The following PLAAT1 variants were observed in gnomAD, a reference collection of about 807,000 sequenced individuals.
PLAAT1 encodes the protein H-REV107 protein-related protein.
PLAAT1 carries 13 observed loss-of-function variants against 16.4 expected under a neutral mutation model. The ratio of observed to expected loss-of-function variants is 0.79; its 90% CI spans 0.52 to 1.26. PLAAT1 has a LOEUF of 1.26. Among genes scored for constraint, PLAAT1 ranks in the 50% most tolerant of loss-of-function variants. The pLI is 0.00. For synonymous variants in PLAAT1, 73 were observed against 78.4 expected (o/e 0.93, Z 0.36); for missense variants, 218 against 207.8 (o/e 1.05, Z -0.30).
chr3:193,271,671 C>T (rs1455060996), downstream of PLAAT1, among the ~76,000 whole-genome samples: 1 of 152,118 alleles, frequency 6.6e-6, no homozygotes, highest in Non-Finnish European at 1.5e-5. Context: ...CACCACCAGC[C>T]AATGACATCC....
chr3:193,277,470 AC>A (rs1717274174), intron 2 of PLAAT1, among the ~76,000 whole-genome samples: 1 of 152,096 alleles, frequency 6.6e-6, no homozygotes, highest in Admixed American at 6.6e-5. Context: ...TTTTTCTGAG[AC>A]CCCACCCAAG....
chr3:193,270,716 A>G lies in PLAAT1; in HGVS notation c.*11A>G, dbSNP rs779376878. The G allele has an allele frequency of 6.8e-6, 11 of 1,609,854 alleles. No individual in the cohort carries two copies. The highest frequency in any genetic ancestry group is 9.3e-6 in the Non-Finnish European group (11 of 1,177,910). Reference sequence around the variant, plus strand: ...GCAAAATACTATTAACAATTTACCAAAGAGATATTGATATTGAAGGAATTT... The same window carrying G: ...GCAAAATACTATTAACAATTTACCAGAGAGATATTGATATTGAAGGAATTT... On this transcript the variant is annotated 3_prime_UTR_variant, in exon 4 of 4. Coordinates refer to ENST00000264735, the MANE Select transcript of PLAAT1 (RefSeq NM_020386.5).
At chr3:193,255,495 A>G (rs943101560) in intron 1 of PLAAT1, among the ~76,000 whole-genome samples, 156 bp from the exon 2 acceptor site, 1 of 148,958 alleles carries the variant, frequency 6.7e-6, no homozygotes, top group Non-Finnish European at 1.5e-5. Context: ...CAGTGTTGGA[A>G]TCATTCAAAG....
chr3:193,247,278 T>A (rs1716015547), intron 1 of PLAAT1, among the ~76,000 whole-genome samples: 1 of 152,136 alleles, frequency 6.6e-6, no homozygotes, highest in South Asian at 2.1e-4. Flanking sequence ...TTACACCAGA[T>A]ATTTTGTGCA....
intron 2 of PLAAT1, among the ~76,000 whole-genome samples, chr3:193,258,556 A>T (rs1440448501): frequency 2.0e-5 from 3 of 152,172 alleles, no homozygotes; most frequent in African/African-American, 7.2e-5. Context: ...ATCGGAAATG[A>T]CAAAAATGAC....
intron 3 of PLAAT1, among the ~76,000 whole-genome samples, chr3:193,269,489 G>A (rs1716912503): frequency 6.6e-6 from 1 of 152,166 alleles, no homozygotes; most frequent in Non-Finnish European, 1.5e-5. Flanking sequence ...TTCCTAACAG[G>A]GAAGCTGCAG....
At chr3:193,251,217 G>T (rs975752076) in intron 1 of PLAAT1, among the ~76,000 whole-genome samples, 6 of 152,180 alleles carry the variant, frequency 3.9e-5, no homozygotes, top group African/African-American at 1.2e-4. Context: ...AACCAGGCAA[G>T]AAAGCATGTT....
At chr3:193,278,797 C>T (rs1308928178), downstream of PLAAT1, among the ~76,000 whole-genome samples, 4 of 152,186 alleles carry the variant, frequency 2.6e-5, no homozygotes, top group African/African-American at 9.7e-5. Context: ...CTCATCTTCA[C>T]AACAAATCTA....
In PLAAT1 at chr3:193,247,298, A is replaced by T. The variant is rs191786510; in HGVS notation, c.-1+5765A>T. The stretch of plus-strand genomic sequence containing the variant: ...CCAGATATTTTGTGCAGATAAGGGA[A>T]CTTGCACAGGGGGCTTGCCTAAACA... On this transcript the variant is annotated intron_variant, in intron 1 of 3. Coordinates refer to ENST00000264735, the MANE Select transcript of PLAAT1 (RefSeq NM_020386.5). 4.3e-3 allele frequency among the ~76,000 whole-genome samples: 661 copies of T among 152,302 alleles called. 8 individuals carry two copies. Among genetic ancestry groups the T allele is most frequent in the Non-Finnish European group, 5.3e-3 (362 of 68,032 alleles).
downstream of PLAAT1, among the ~76,000 whole-genome samples, chr3:193,271,236 G>A (rs1223334078): frequency 6.6e-6 from 1 of 152,100 alleles, no homozygotes; most frequent in Non-Finnish European, 1.5e-5. Context: ...TGTAGATGAG[G>A]GTGGATGGGA....
chr3:193,275,160 C>T (rs1378395655), downstream of PLAAT1: 1 of 1,614,168 alleles, frequency 6.2e-7, no homozygotes. Flanking sequence ...TTTGCCATCA[C>T]CTGAATAATC....
rs375549171 is a variant in PLAAT1, at chr3:193,250,936, G to C, written c.1-4715G>C. On this transcript the variant is annotated intron_variant, in intron 1 of 3. Coordinates refer to ENST00000264735, the MANE Select transcript of PLAAT1 (RefSeq NM_020386.5). ...TGGGAGTGCCATCCCTCCCATTCTT[G>C]TTGGCAGAGGTCTCCCAGTTTCTTT... Among the ~76,000 whole-genome samples, 8 of 151,168 alleles carry C rather than the reference G, an allele frequency of 5.3e-5. No homozygotes were observed. In the East Asian group the frequency reaches 1.6e-3, roughly 30 times the overall value.
downstream of PLAAT1, among the ~76,000 whole-genome samples, chr3:193,273,542 AT>A (rs1306733670): frequency 2.6e-5 from 4 of 152,240 alleles, no homozygotes; most frequent in Non-Finnish European, 5.9e-5. Flanking sequence ...CAAGGCTATC[AT>A]ATATTGAATC....
chr3:193,244,942 A>G (rs1392285144), intron 1 of PLAAT1, among the ~76,000 whole-genome samples: 1 of 152,198 alleles, frequency 6.6e-6, no homozygotes, highest in East Asian at 1.9e-4. Context: ...CCCACTTCTC[A>G]ATACTACCAC....
At chr3:193,252,659 T>G (rs1426724632) in intron 1 of PLAAT1, among the ~76,000 whole-genome samples, 2 of 152,140 alleles carry the variant, frequency 1.3e-5, no homozygotes. Flanking sequence ...TTCTCCTATG[T>G]TTTTCTCTAT....
At chr3:193,240,722 T>TGTGTG (rs1262727677), upstream of PLAAT1, among the ~76,000 whole-genome samples, 10 of 149,940 alleles carry the variant, frequency 6.7e-5, no homozygotes, top group Non-Finnish European at 1.0e-4. Context: ...CGTGTGTGTG[T>TGTGTG]GTGTGGTGTG....
chr3:193,275,210 C>T (rs771933944), downstream of PLAAT1: 2 of 1,614,074 alleles, frequency 1.2e-6, no homozygotes, highest in African/African-American at 1.3e-5. Flanking sequence ...CTTCTGCTAG[C>T]TTCTTTTGCC....
downstream of PLAAT1, among the ~76,000 whole-genome samples, chr3:193,274,244 A>G (rs572032789): frequency 4.0e-4 from 61 of 152,292 alleles, no homozygotes; most frequent in African/African-American, 1.4e-3. Flanking sequence ...CACCATCTCA[A>G]AAAAAAGCTT....
chr3:193,276,769 C>T, intron 2 of PLAAT1: 1 of 1,611,774 alleles, frequency 6.2e-7, no homozygotes, highest in Non-Finnish European at 8.5e-7. Context: ...GAAAGCCACA[C>T]AGAATTGGGT....
Sources: allele counts gnomAD v4.1 joint callset (sites outside exome capture counted in the v4.1 genomes callset), GRCh38; gene constraint gnomAD v4.1.1; transcripts MANE v1.5; gene names NCBI Gene and HGNC (gene_info 2026-07-23, HGNC 2026-07-21).